The following MDFIC2 variants were observed in gnomAD, a reference collection of about 807,000 sequenced individuals.
The protein encoded by MDFIC2 is MyoD family inhibitor domain containing 2.
chr3:70,216,236 G>A (rs1333815332), intron 2 of MDFIC2, among the ~76,000 whole-genome samples: 1 of 149,782 alleles, frequency 6.7e-6, no homozygotes, highest in Non-Finnish European at 1.5e-5. Context: ...TATACAATTA[G>A]AATATATATC....
chr3:70,230,212 C>T (rs971487261), intron 2 of MDFIC2, among the ~76,000 whole-genome samples: 8 of 152,070 alleles, frequency 5.3e-5, no homozygotes, highest in Admixed American at 4.6e-4. Context: ...TGGTAGATAC[C>T]ATAATTTACA....
intron 2 of MDFIC2, among the ~76,000 whole-genome samples, chr3:70,231,557 C>CA: frequency 6.6e-6 from 1 of 152,172 alleles, no homozygotes; most frequent in Non-Finnish European, 1.5e-5. Context: ...GTTAGTTGTG[C>CA]TGGATGATTA....
At chr3:70,271,477 C>CA (rs1701975193) in intron 2 of MDFIC2, among the ~76,000 whole-genome samples, 1 of 151,972 alleles carries the variant, frequency 6.6e-6, no homozygotes, top group Non-Finnish European at 1.5e-5. Flanking sequence ...ATTTGTATGA[C>CA]AAATTTCTGA....
At chr3:70,255,509 C>G (rs1701807680) in intron 2 of MDFIC2, among the ~76,000 whole-genome samples, 2 of 152,158 alleles carry the variant, frequency 1.3e-5, no homozygotes, top group Non-Finnish European at 2.9e-5. Flanking sequence ...GCAGCCTTGA[C>G]CACCTGGGCT....
chr3:70,274,127 G>T (rs892662092), intron 2 of MDFIC2, among the ~76,000 whole-genome samples: 1 of 150,756 alleles, frequency 6.6e-6, no homozygotes, highest in Admixed American at 6.6e-5. Flanking sequence ...CTGGGCTAAA[G>T]AAATACCTTT....
At chr3:70,292,763 TAAAG>T (rs1702251086) in intron 2 of MDFIC2, among the ~76,000 whole-genome samples, 1 of 152,138 alleles carries the variant, frequency 6.6e-6, no homozygotes, top group South Asian at 2.1e-4. Context: ...TGTTTGCAGA[TAAAG>T]AAAAGAATTA....
intron 2 of MDFIC2, among the ~76,000 whole-genome samples, chr3:70,244,134 G>A (rs865996397): frequency 3.9e-5 from 6 of 152,086 alleles, no homozygotes; most frequent in African/African-American, 1.2e-4. Context: ...GCTCAAATGG[G>A]AACAAGGTGC....
chr3:70,227,494 C>G (rs1038056338), intron 2 of MDFIC2, among the ~76,000 whole-genome samples: 1 of 152,098 alleles, frequency 6.6e-6, no homozygotes, highest in East Asian at 1.9e-4. Flanking sequence ...GAGACTTTTG[C>G]TAGAACAATT....
chr3:70,297,575 T>C (rs764047927), intron 2 of MDFIC2, among the ~76,000 whole-genome samples: 28 of 152,148 alleles, frequency 1.8e-4, no homozygotes, highest in Non-Finnish European at 3.8e-4. Context: ...ATATGTATAT[T>C]TGTGTTATCG....
At chr3:70,202,274 G>T (rs1401703398) in intron 3 of MDFIC2, among the ~76,000 whole-genome samples, 1 of 152,044 alleles carries the variant, frequency 6.6e-6, no homozygotes, top group African/African-American at 2.4e-5. Context: ...GTGACTAGTG[G>T]TCTTTCTGAT....
chr3:70,250,411 TCACACACACACACACACACACACACA>T (rs61355248), intron 2 of MDFIC2, among the ~76,000 whole-genome samples: 1 of 124,908 alleles, frequency 8.0e-6, no homozygotes, highest in Non-Finnish European at 1.7e-5. Flanking sequence ...TTAATGAATC[TCACACACACACACACACACACACACA>T]CACACACACA....
chr3:70,285,121 T>C (rs1257813405), intron 2 of MDFIC2, among the ~76,000 whole-genome samples: 1 of 151,792 alleles, frequency 6.6e-6, no homozygotes, highest in African/African-American at 2.4e-5. Context: ...GTTAGTTACA[T>C]ATGTATACAT....
intron 2 of MDFIC2, among the ~76,000 whole-genome samples, chr3:70,311,198 T>C (rs1255570821): frequency 6.6e-6 from 1 of 152,194 alleles, no homozygotes; most frequent in East Asian, 1.9e-4. Context: ...CATTAAATGC[T>C]GAAAAAGACG....
intron 2 of MDFIC2, among the ~76,000 whole-genome samples, chr3:70,225,664 T>A (rs1325612845): frequency 6.6e-6 from 1 of 152,216 alleles, no homozygotes; most frequent in Non-Finnish European, 1.5e-5. Flanking sequence ...ACTGTTTCCC[T>A]TCTAGATCAA....
At chr3:70,259,503 G>C (rs1041783733) in intron 2 of MDFIC2, among the ~76,000 whole-genome samples, 1 of 152,150 alleles carries the variant, frequency 6.6e-6, no homozygotes, top group Non-Finnish European at 1.5e-5. Context: ...CAGGGAGTCT[G>C]TCTGCTCTAT....
At chr3:70,215,007 A>T (rs975381764) in intron 2 of MDFIC2, among the ~76,000 whole-genome samples, 5 of 152,160 alleles carry the variant, frequency 3.3e-5, no homozygotes, top group Non-Finnish European at 7.4e-5. Flanking sequence ...TTACATATAC[A>T]GTCAATTTTT....
chr3:70,225,505 C>T (rs1464349753), intron 2 of MDFIC2, among the ~76,000 whole-genome samples: 1 of 152,124 alleles, frequency 6.6e-6, no homozygotes, highest in African/African-American at 2.4e-5. Flanking sequence ...TTGCAAATTT[C>T]TATTATTCTA....
intron 2 of MDFIC2, among the ~76,000 whole-genome samples, chr3:70,266,013 G>A (rs2106666102): frequency 6.6e-6 from 1 of 152,256 alleles, no homozygotes; most frequent in Non-Finnish European, 1.5e-5. Flanking sequence ...GAGACACAAA[G>A]CCTAATCATA....
intron 2 of MDFIC2, chr3:70,302,532 A>G (rs568322365): frequency 6.6e-6 from 1 of 152,176 alleles, no homozygotes; most frequent in Non-Finnish European, 1.5e-5. Context: ...CTTGTAGGAA[A>G]ATGAATGATT....
Sources: gnomAD v4.1 joint callset for allele counts (sites outside exome capture counted in the v4.1 genomes callset) on GRCh38, gnomAD v4.1.1 for gene constraint, MANE v1.5 for transcripts, NCBI Gene and HGNC (gene_info 2026-07-23, HGNC 2026-07-21) for gene names.